The following PRKN variants were observed in gnomAD, a reference collection of about 807,000 sequenced individuals.
PRKN encodes the protein parkin RBR E3 ubiquitin protein ligase, also known as E3 ubiquitin-protein ligase parkin.
In PRKN, 56 loss-of-function variants were observed where a neutral mutation model predicts 59.5. The ratio of observed to expected loss-of-function variants is 0.94; its 90% confidence interval spans 0.76 to 1.18. PRKN has a LOEUF of 1.18. Among genes scored for constraint, PRKN ranks in the 50% most tolerant of loss-of-function variants. PRKN has a pLI of 0.00. For synonymous variants in PRKN, 250 were observed against 222.1 expected (o/e 1.13, Z -1.12); for missense variants, 657 against 596.4 (o/e 1.10, Z -1.06).
In PRKN at chr6:161,360,104, T is replaced by G. The variant is rs1330778122; in HGVS notation, c.1269A>C (p.Val423=). The G allele has an allele frequency of 1.2e-6, 2 of 1,613,432 alleles. No individual in the cohort carries two copies. Among genetic ancestry groups the G allele is most frequent in the South Asian group, 1.1e-5 (1 of 91,072 alleles). Reference sequence around the variant, plus strand: ...CAGACTCACCATTTTTTTCCACTGGTACATGGCAGCGGGGACAGGGCTTGG... The same window carrying G: ...CAGACTCACCATTTTTTTCCACTGGGACATGGCAGCGGGGACAGGGCTTGG... ...KTTKPCPRCH[V]PVEKNGGCMH... The change falls in exon 11 of 12, where the codon GTA becomes GTC. Residue 423 remains valine (V), a synonymous_variant. Coordinates refer to ENST00000366898, the MANE Select transcript of PRKN (RefSeq NM_004562.3). The surrounding 1 kb of genome is among the most constrained non-coding windows in gnomAD (Gnocchi z 5.1).
chr6:162,437,411 G>C (rs1023984762), intron 2 of PRKN, among the ~76,000 whole-genome samples: 1 of 152,084 alleles, frequency 6.6e-6, no homozygotes, highest in East Asian at 1.9e-4. Flanking sequence ...AGTTGTAAGA[G>C]ATAGCAGAGA....
At chr6:161,573,925 T>A (rs1042281005) in intron 7 of PRKN, among the ~76,000 whole-genome samples, 3 of 151,130 alleles carry the variant, frequency 2.0e-5, no homozygotes, top group Non-Finnish European at 4.4e-5. Context: ...CAATTTTAAA[T>A]TAGCTTATCT....
At chr6:162,564,870 GAA>G (rs36063884) in intron 1 of PRKN, among the ~76,000 whole-genome samples, 414 of 119,144 alleles carry the variant, frequency 3.5e-3, no homozygotes, top group Middle Eastern at 0.014. Flanking sequence ...ACTTCAATCA[GAA>G]AAAAAAAAAA....
chr6:161,509,144 G>A (rs2115326153), intron 9 of PRKN, among the ~76,000 whole-genome samples: 1 of 152,058 alleles, frequency 6.6e-6, no homozygotes, highest in East Asian at 1.9e-4. Flanking sequence ...ATGTCTGGCC[G>A]GGTGTTATGA....
intron 9 of PRKN, among the ~76,000 whole-genome samples, chr6:161,420,063 C>T (rs567646882): frequency 4.6e-5 from 7 of 151,606 alleles, no homozygotes; most frequent in African/African-American, 7.3e-5. Flanking sequence ...ACGGTGAAAC[C>T]CCGTCTCTAC....
At chr6:161,695,336 A>C (rs1785974945) in intron 7 of PRKN, among the ~76,000 whole-genome samples, 1 of 152,192 alleles carries the variant, frequency 6.6e-6, no homozygotes, top group Non-Finnish European at 1.5e-5. Context: ...TGAACAAATG[A>C]CAGAGAAAGC....
rs35851380 is a variant in PRKN, at chr6:161,347,806, C to CG, written c.*2292dup. The CG allele has an allele frequency of 6.6e-6, 1 of 151,928 alleles. No individual in the cohort carries two copies. Among genetic ancestry groups the CG allele is most frequent in the Non-Finnish European group, 1.5e-5 (1 of 68,130 alleles). 9.4% of individuals were successfully genotyped at this position (151,928 alleles called of 1,614,324 possible). On this transcript the variant is annotated 3_prime_UTR_variant, in exon 12 of 12. Coordinates refer to ENST00000366898, the MANE Select transcript of PRKN (RefSeq NM_004562.3). Reference sequence around the variant, plus strand: ...CTAATTTTTGTATTTTTAATAGAGACGGGGTTTCATCATCTTGGCCAGGCT... The same window carrying CG: ...CTAATTTTTGTATTTTTAATAGAGACGGGGGTTTCATCATCTTGGCCAGGCT...
intron 1 of PRKN, among the ~76,000 whole-genome samples, chr6:162,531,146 C>T (rs79100388): frequency 0.087 from 13,138 of 150,922 alleles, 722 homozygotes; most frequent in South Asian, 0.18. Flanking sequence ...GTGGGTGGAT[C>T]ACCTGAGGTC....
At chr6:162,454,981 T>C (rs2128172274) in intron 1 of PRKN, among the ~76,000 whole-genome samples, 1 of 152,336 alleles carries the variant, frequency 6.6e-6, no homozygotes, top group East Asian at 1.9e-4. Flanking sequence ...GACTGTGTTT[T>C]CAGCACGTGG....
At chr6:162,212,789 A>G (rs1183043256) in intron 3 of PRKN, among the ~76,000 whole-genome samples, 1 of 152,182 alleles carries the variant, frequency 6.6e-6, no homozygotes, top group African/African-American at 2.4e-5. Flanking sequence ...TATTGCTCCT[A>G]GGCTATGAAC....
chr6:162,525,215 T>A (rs942408423), intron 1 of PRKN, among the ~76,000 whole-genome samples: 1 of 152,084 alleles, frequency 6.6e-6, no homozygotes, highest in African/African-American at 2.4e-5. Context: ...AAGACCACTC[T>A]GACCCTCTGT....
intron 2 of PRKN, among the ~76,000 whole-genome samples, chr6:162,290,936 C>T (rs140028444): frequency 9.2e-5 from 14 of 152,268 alleles, no homozygotes; most frequent in African/African-American, 3.1e-4. Flanking sequence ...ACTTTCATAG[C>T]TTCTGGTAGA....
chr6:161,808,451 C>A (rs1475756998), intron 6 of PRKN, among the ~76,000 whole-genome samples: 1 of 152,052 alleles, frequency 6.6e-6, no homozygotes, highest in African/African-American at 2.4e-5. Context: ...GCAAATTTCT[C>A]TTAAATAGTA....
intron 1 of PRKN, among the ~76,000 whole-genome samples, chr6:162,668,947 C>G (rs370032496): frequency 1.3e-5 from 2 of 152,120 alleles, no homozygotes; most frequent in Non-Finnish European, 2.9e-5. Flanking sequence ...TCTTGACTTA[C>G]AATCATGGTT....
chr6:162,223,745 C>A (rs913083678), intron 3 of PRKN, among the ~76,000 whole-genome samples: 1 of 151,670 alleles, frequency 6.6e-6, no homozygotes, highest in East Asian at 1.9e-4. Flanking sequence ...TTTCTTATGT[C>A]CTGGTTTTTC....
At chr6:161,556,826 A>C (rs1189565819) in intron 8 of PRKN, among the ~76,000 whole-genome samples, 26 of 152,198 alleles carry the variant, frequency 1.7e-4, no homozygotes, top group Non-Finnish European at 1.5e-5. Context: ...AACTGAGCTC[A>C]AAAGTGGAAA....
At chr6:161,952,102 C>A (rs561823087) in intron 6 of PRKN, among the ~76,000 whole-genome samples, 1 of 152,104 alleles carries the variant, frequency 6.6e-6, no homozygotes, top group Admixed American at 6.5e-5. Flanking sequence ...TTGAAAATGG[C>A]GTTCAATTTA....
At chr6:162,218,920 T>A (rs962208635) in intron 3 of PRKN, among the ~76,000 whole-genome samples, 16 of 152,154 alleles carry the variant, frequency 1.1e-4, no homozygotes, top group African/African-American at 3.9e-4. Context: ...ACACCTGTGA[T>A]CCCAGCACTT....
chr6:162,645,379 G>A (rs1028513691), intron 1 of PRKN, among the ~76,000 whole-genome samples: 1 of 152,114 alleles, frequency 6.6e-6, no homozygotes, highest in African/African-American at 2.4e-5. Context: ...GCATCAAGAA[G>A]CAAACAGTCA....
Sources: gnomAD v4.1 joint callset for allele counts (sites outside exome capture counted in the v4.1 genomes callset) on GRCh38, gnomAD v4.1.1 for gene constraint, Gnocchi (gnomAD v3.1) non-coding constraint, MANE v1.5 for transcripts, NCBI Gene and HGNC (gene_info 2026-07-23, HGNC 2026-07-21) for gene names.